Variants in RIMS2 observed in about 807,000 individuals in gnomAD.
RIMS2 encodes regulating synaptic membrane exocytosis protein 2.
A neutral mutation model predicts 174.4 loss-of-function variants in RIMS2; 59 were observed. The observed-to-expected ratio is 0.34, with a 90% confidence interval of 0.27 to 0.42. The LOEUF (loss-of-function observed/expected upper bound fraction) is 0.42. Among genes scored for constraint, RIMS2 ranks in the 10% least tolerant of loss-of-function variants. The pLI is 1.00. For synonymous variants in RIMS2, 606 were observed against 572.5 expected (o/e 1.06, Z -0.84); for missense variants, 1,620 against 1,666.3 (o/e 0.97, Z 0.48).
At chr8:104,197,575 A>G (rs559928809) in intron 19 of RIMS2, among the ~76,000 whole-genome samples, 2 of 152,316 alleles carry the variant, frequency 1.3e-5, no homozygotes, top group East Asian at 3.9e-4. Flanking sequence ...CTTTATTTAA[A>G]CTAACACATT....
chr8:103,896,207 A>G lies in RIMS2; in HGVS notation c.1624+9984A>G, dbSNP rs1020949566. Among the ~76,000 whole-genome samples the G allele has an allele frequency of 8.6e-5, 13 of 151,426 alleles. 1 individual carries two copies. Among genetic ancestry groups the G allele is most frequent in the African/African-American group, 2.9e-4 (12 of 40,916 alleles). On this transcript the variant is annotated intron_variant, in intron 4 of 23. Coordinates refer to ENST00000504942, the Ensembl canonical transcript of RIMS2. ...AGGCTAGAAAAATTGCTGGTTTTCT[A>G]TTTCTTACTGGGTTTGCCTCTTTTA...
At chr8:103,531,235 G>A (rs910360735) in intron 1 of RIMS2, among the ~76,000 whole-genome samples, 1 of 151,782 alleles carries the variant, frequency 6.6e-6, no homozygotes, top group Non-Finnish European at 1.5e-5. Flanking sequence ...AAGGACACAT[G>A]GAATACCAAA....
At chr8:103,988,484 A>G (rs2094496079) in intron 16 of RIMS2, among the ~76,000 whole-genome samples, 1 of 152,064 alleles carries the variant, frequency 6.6e-6, no homozygotes, top group Admixed American at 6.6e-5. Flanking sequence ...TTTGAGATGG[A>G]GTTTCGCTCT....
chr8:103,616,261 C>CA (rs1320128959), intron 1 of RIMS2, among the ~76,000 whole-genome samples: 5 of 151,694 alleles, frequency 3.3e-5, no homozygotes, highest in African/African-American at 7.3e-5. Flanking sequence ...AAACTGAAGA[C>CA]AAAAAAACAC....
chr8:103,547,961 G>A (rs1007147110), intron 1 of RIMS2, among the ~76,000 whole-genome samples: 3 of 152,014 alleles, frequency 2.0e-5, no homozygotes, highest in African/African-American at 7.2e-5. Context: ...ATTGAACCAG[G>A]AAGAAACTGT....
chr8:103,836,783 CAT>C (rs1259329782), intron 3 of RIMS2, among the ~76,000 whole-genome samples: 3 of 152,152 alleles, frequency 2.0e-5, no homozygotes, highest in Admixed American at 6.5e-5. Context: ...TGAAAATACA[CAT>C]AGAGAAATGT....
At chr8:103,792,726 G>A (rs201007938) in intron 3 of RIMS2, among the ~76,000 whole-genome samples, 20 of 149,232 alleles carry the variant, frequency 1.3e-4, no homozygotes, top group African/African-American at 3.2e-4. Context: ...TCAAATAGAC[G>A]CAATAAAAAA....
rs182432246 is a variant in RIMS2 at position 104,185,708 on chromosome 8, C to T, written c.3335-59208C>T. Among the ~76,000 whole-genome samples the T allele has an allele frequency of 7.3e-5, 11 of 151,432 alleles. No individual in the cohort carries two copies. In the East Asian group the frequency reaches 2.1e-3, roughly 29 times the overall value. Reference sequence around the variant, plus strand: ...ACAATGAGATATTATATACACCAGTCAGAATTTCATTAAAAAGACAAAAAA... The same window carrying T: ...ACAATGAGATATTATATACACCAGTTAGAATTTCATTAAAAAGACAAAAAA... On this transcript the variant is annotated intron_variant, in intron 19 of 23. Coordinates refer to ENST00000504942, the Ensembl canonical transcript of RIMS2.
At chr8:104,113,665 T>C (rs1479128212) in intron 19 of RIMS2, among the ~76,000 whole-genome samples, 1 of 151,822 alleles carries the variant, frequency 6.6e-6, no homozygotes, top group Admixed American at 6.6e-5. Context: ...ATAAAGTAAC[T>C]AGTGGATTAC....
chr8:104,161,821 A>G (rs1041223855), intron 19 of RIMS2, among the ~76,000 whole-genome samples: 1 of 152,214 alleles, frequency 6.6e-6, no homozygotes, highest in African/African-American at 2.4e-5. Flanking sequence ...AAGGTCATTC[A>G]GTTGTTGGCG....
chr8:103,586,064 A>G (rs1370542083), intron 1 of RIMS2, among the ~76,000 whole-genome samples: 2 of 152,168 alleles, frequency 1.3e-5, no homozygotes, highest in African/African-American at 4.8e-5. Flanking sequence ...GTAAATCTAT[A>G]TGCATCAAAA....
intron 19 of RIMS2, 101 bp downstream of exon 24, chr8:104,093,744 T>C (rs1032512687): frequency 1.2e-5 from 11 of 913,978 alleles, no homozygotes; most frequent in South Asian, 4.0e-5. Context: ...GGTTAATATA[T>C]ATTTTAAAGC....
intron 2 of RIMS2, among the ~76,000 whole-genome samples, chr8:103,706,797 T>A (rs1461976667): frequency 3.9e-5 from 6 of 152,150 alleles, no homozygotes; most frequent in Admixed American, 3.9e-4. Flanking sequence ...CTGCTGGTAT[T>A]CTTTGACCTT....
intron 1 of RIMS2, among the ~76,000 whole-genome samples, chr8:103,649,267 C>T (rs1345136219): frequency 1.3e-5 from 2 of 152,108 alleles, no homozygotes; most frequent in Non-Finnish European, 2.9e-5. Context: ...AATATTGGCC[C>T]CTAATCTCTT....
intron 3 of RIMS2, among the ~76,000 whole-genome samples, chr8:103,880,043 C>T (rs1217593125): frequency 6.6e-6 from 1 of 151,608 alleles, no homozygotes; most frequent in East Asian, 1.9e-4. Flanking sequence ...AAAACTGCTG[C>T]TTCTTGAACC....
intron 1 of RIMS2, among the ~76,000 whole-genome samples, chr8:103,649,966 A>T (rs1035181945): frequency 6.6e-6 from 1 of 152,084 alleles, no homozygotes; most frequent in African/African-American, 2.4e-5. Flanking sequence ...CCCTTACTGG[A>T]CAGGTGTTGT....
intron 1 of RIMS2, among the ~76,000 whole-genome samples, chr8:103,617,801 G>A (rs1315959218): frequency 6.6e-6 from 1 of 152,130 alleles, no homozygotes; most frequent in Non-Finnish European, 1.5e-5. Context: ...AAACCACAAT[G>A]ACATACCACC....
At chr8:103,908,424 C>G (rs1356516506) in intron 4 of RIMS2, among the ~76,000 whole-genome samples, 1 of 152,156 alleles carries the variant, frequency 6.6e-6, no homozygotes, top group Non-Finnish European at 1.5e-5. Context: ...AATCAACCAC[C>G]ATATTTAATA....
At chr8:104,068,763 A>G (rs1286692736) in intron 19 of RIMS2, among the ~76,000 whole-genome samples, 151 bp downstream of exon 23, 1 of 152,218 alleles carries the variant, frequency 6.6e-6, no homozygotes, top group East Asian at 1.9e-4. Context: ...ATGTGTTTGT[A>G]TACCGCTCTT....
Sources: allele counts gnomAD v4.1 joint callset (sites outside exome capture counted in the v4.1 genomes callset), GRCh38; gene constraint gnomAD v4.1.1; transcripts MANE v1.5; gene names NCBI Gene and HGNC (gene_info 2026-07-23, HGNC 2026-07-21).